C5orf46: variants seen among roughly 807,000 people sequenced by gnomAD.
C5orf46 encodes the protein uncharacterized protein C5orf46.
A neutral mutation model predicts 8.9 loss-of-function variants in C5orf46; 9 were observed. The observed-to-expected ratio is 1.01, with a 90% CI of 0.61 to 1.76. The LOEUF (loss-of-function observed/expected upper bound fraction) is 1.76, where lower values mean the gene tolerates loss of function less well. Ranked by LOEUF, C5orf46 falls within the 40% of genes most tolerant of loss-of-function variation. The pLI is 0.00. For synonymous variants in C5orf46, 47 were observed against 41.4 expected, an observed-to-expected ratio of 1.14 and a Z score of -0.52; for missense variants, 98 against 107.8, an observed-to-expected ratio of 0.91 and a Z score of 0.40.
At chr5:147,903,406 G>A (rs1044943104) in intron 1 of C5orf46, among the ~76,000 whole-genome samples, 5 of 152,136 alleles carry the variant, frequency 3.3e-5, no homozygotes, top group South Asian at 2.1e-4. Context: ...TGTGTTTCTC[G>A]TAGTTTATCT....
At chr5:147,890,540 G>A (rs1757487911), downstream of C5orf46, among the ~76,000 whole-genome samples, 1 of 152,116 alleles carries the variant, frequency 6.6e-6, no homozygotes, top group African/African-American at 2.4e-5. Context: ...GAAAAATTAA[G>A]CAGCCAAAGA....
chr5:147,897,213 T>C (rs1757595036), intron 2 of C5orf46, among the ~76,000 whole-genome samples, 172 bp from the exon 3 acceptor site: 1 of 152,202 alleles, frequency 6.6e-6, no homozygotes, highest in African/African-American at 2.4e-5. Flanking sequence ...GCAAGTAATT[T>C]ATGCATAATT....
At chr5:147,897,574 A>T (rs1363292688) in intron 2 of C5orf46, among the ~76,000 whole-genome samples, 1 of 152,196 alleles carries the variant, frequency 6.6e-6, no homozygotes, top group African/African-American at 2.4e-5. Context: ...TGAGATCGTA[A>T]AAGATAACTA....
At position 147,906,525 on chromosome 5, in the gene C5orf46, C is replaced by T. The variant is rs1241072894; in HGVS notation, c.-24G>A. ...ATTCTGGTAGCACGGGGTATTCGTG[C>T]AGATAAATTGTTCAGATACATGTGA... On this transcript the variant is annotated 5_prime_UTR_variant, in exon 1 of 4. Coordinates refer to ENST00000318315, the MANE Select transcript of C5orf46 (RefSeq NM_206966.3). The T allele has an allele frequency of 1.3e-5, 21 of 1,571,556 alleles. No homozygotes were observed. Among genetic ancestry groups the T allele is most frequent in the Non-Finnish European group, 1.8e-5 (21 of 1,142,952 alleles).
At chr5:147,896,792 CCT>C (rs1377728320) in intron 3 of C5orf46, among the ~76,000 whole-genome samples, 190 bp downstream of exon 3, 9 of 152,214 alleles carry the variant, frequency 5.9e-5, no homozygotes, top group Middle Eastern at 3.4e-3. Context: ...AGCTCTACCT[CCT>C]CTCTTAAGAA....
chr5:147,901,204 A>T (rs1031954100), intron 2 of C5orf46: 1 of 154,480 alleles, frequency 6.5e-6, no homozygotes, highest in Non-Finnish European at 1.4e-5. Context: ...AGTGCTTACA[A>T]GGGGCGGGCC....
At chr5:147,885,921 G>T (rs942364033) in intron 2 of C5orf46, among the ~76,000 whole-genome samples, 1 of 152,036 alleles carries the variant, frequency 6.6e-6, no homozygotes, top group African/African-American at 2.4e-5. Context: ...CCAAAAACTG[G>T]AAACAACACA....
rs1757522813 is a variant in C5orf46, at chr5:147,892,876, G to A, written c.*73C>T. 6.6e-6 allele frequency: 1 copy of A among 152,174 alleles called. No individual in the cohort carries two copies. Among genetic ancestry groups the A allele is most frequent in the Non-Finnish European group, 1.5e-5 (1 of 68,042 alleles). 9.4% of individuals were successfully genotyped at this position (152,174 alleles called of 1,614,324 possible). ...AGGGCTCTGTCCTGGAGGACTTGTG[G>A]AGCCAAACTGGAAAAGCAGGATTTG... On this transcript the variant is annotated 3_prime_UTR_variant, in exon 4 of 4. Transcript: ENST00000318315.
At chr5:147,903,603 G>A (rs947956075) in intron 1 of C5orf46, among the ~76,000 whole-genome samples, 1 of 152,140 alleles carries the variant, frequency 6.6e-6, no homozygotes, top group Admixed American at 6.5e-5. Context: ...AATTCTATGA[G>A]CATTTATTGT....
At chr5:147,903,899 C>T (rs1317664649) in intron 1 of C5orf46, among the ~76,000 whole-genome samples, 2 of 152,126 alleles carry the variant, frequency 1.3e-5, no homozygotes, top group Non-Finnish European at 2.9e-5. Context: ...AGGCATATGC[C>T]ACCACAGCTG....
chr5:147,905,130 A>AGGG (rs1757730756), intron 1 of C5orf46, among the ~76,000 whole-genome samples: 1 of 152,120 alleles, frequency 6.6e-6, no homozygotes, highest in African/African-American at 2.4e-5. Context: ...TCAATAGTTT[A>AGGG]ATATTTTCTT....
intron 2 of C5orf46, chr5:147,886,593 GAAACC>G (rs1757424086): frequency 2.0e-5 from 3 of 150,768 alleles, no homozygotes; most frequent in Non-Finnish European, 4.4e-5. Flanking sequence ...CAAATTAGAG[GAAACC>G]ACTGTTCACA....
intron 3 of C5orf46, among the ~76,000 whole-genome samples, chr5:147,893,468 T>A (rs1757533716): frequency 6.6e-6 from 1 of 151,764 alleles, no homozygotes; most frequent in Admixed American, 6.6e-5. Context: ...GTATTTTTAG[T>A]AGAGACAGGG....
At chr5:147,892,978 A>G (rs1042162490) in intron 3 of C5orf46, 39 bp from the exon 4 acceptor site, 4 of 152,248 alleles carry the variant, frequency 2.6e-5, no homozygotes, top group Admixed American at 2.6e-4. Flanking sequence ...ACAATTACCA[A>G]GTAGAGCTGG....
downstream of C5orf46, among the ~76,000 whole-genome samples, chr5:147,890,586 A>C (rs1050214431): frequency 3.9e-5 from 6 of 152,228 alleles, no homozygotes; most frequent in African/African-American, 1.4e-4. Flanking sequence ...GCAGTTTTAA[A>C]TAAAATGATC....
intron 1 of C5orf46, 64 bp from the exon 2 acceptor site, chr5:147,901,837 T>C: frequency 1.9e-6 from 3 of 1,542,454 alleles, no homozygotes; most frequent in South Asian, 1.2e-5. Flanking sequence ...TCTTTCTGTG[T>C]GGGGAACGCT....
At chr5:147,897,814 G>A (rs184970453) in intron 2 of C5orf46, among the ~76,000 whole-genome samples, 3 of 152,258 alleles carry the variant, frequency 2.0e-5, no homozygotes, top group African/African-American at 4.8e-5. Context: ...GAACAGAGTG[G>A]GGTTTTGGCT....
downstream of C5orf46, among the ~76,000 whole-genome samples, chr5:147,889,077 A>G (rs1163856826): frequency 1.3e-5 from 2 of 152,028 alleles, no homozygotes; most frequent in Non-Finnish European, 2.9e-5. Context: ...ATATTTATAT[A>G]TAAATATTAG....
chr5:147,896,458 CT>C (rs1350656348), intron 3 of C5orf46, among the ~76,000 whole-genome samples: 8 of 152,160 alleles, frequency 5.3e-5, no homozygotes, highest in African/African-American at 1.7e-4. Flanking sequence ...AGATCTAACA[CT>C]TTTGTTTTCG....
Sources: gnomAD v4.1 joint callset for allele counts (sites outside exome capture counted in the v4.1 genomes callset) on GRCh38, gnomAD v4.1.1 for gene constraint, MANE v1.5 for transcripts, NCBI Gene and HGNC (gene_info 2026-07-23, HGNC 2026-07-21) for gene names.